ZNF439: variants seen among roughly 807,000 people sequenced by gnomAD.
ZNF439 encodes zinc finger protein 439.
In ZNF439, 40 loss-of-function variants were observed where a neutral mutation model predicts 47.3. That is an observed-to-expected ratio of 0.85 (90% confidence interval 0.66 to 1.10). The LOEUF is 1.10. Among genes scored for constraint, ZNF439 ranks in the 50% least tolerant of loss-of-function variants. The pLI is 0.00. For synonymous variants in ZNF439, 171 were observed against 198.8 expected (o/e 0.86, Z 1.18); for missense variants, 556 against 601.1 (o/e 0.93, Z 0.78).
Position 11,866,537 on chromosome 19 carries a change from GAA to G in ZNF439, c.196_197del (p.Lys66ValfsTer7), listed in dbSNP as rs1372938049. On this transcript the variant is annotated frameshift_variant and splice_region_variant, in exon 3 of 4. Coordinates refer to ENST00000682736, the MANE Select transcript of ZNF439 (RefSeq NM_001348719.2). LOFTEE classifies it high-confidence loss of function. ...TTATTTTTCTGTGTTTGTATTTTAGGAAAAAAGTGGAAAGACCAGAACATTGA... is the reference window on the plus strand; with the variant it reads ...TTATTTTTCTGTGTTTGTATTTTAGGAAAAGTGGAAAGACCAGAACATTGA... The G allele has an allele frequency of 1.9e-6, 3 of 1,612,168 alleles. No individual in the cohort carries two copies. The African/African-American group carries it at 4.0e-5, about 22-fold the overall frequency.
intron 1 of ZNF439, among the ~76,000 whole-genome samples, chr19:11,863,152 CTTTTTTT>C (rs34655587): frequency 1.1e-5 from 1 of 90,056 alleles, no homozygotes; most frequent in South Asian, 3.5e-4. Context: ...AAAGATTTTG[CTTTTTTT>C]TTTTTTTTTT....
chr19:11,868,249 T>C lies in ZNF439; in HGVS notation c.1195T>C (p.Ser399Pro), dbSNP rs1373685531. The C allele has an allele frequency of 1.2e-6, 2 of 1,613,606 alleles. No individual in the cohort carries two copies. Among genetic ancestry groups the C allele is most frequent in the Non-Finnish European group, 1.7e-6 (2 of 1,179,892 alleles). ...GCAATGTGGTAAAGCCTTCACTCGT[T>C]CCGGTTCCTTTCGATATCATGAAAG... ...CKQCGKAFTR[S>P]GSFRYHERTH... The change falls in exon 4 of 4, where the codon TCC (serine) becomes CCC (proline). Residue 399 changes from serine to proline, a missense_variant. By Grantham distance (74) the Ser-to-Pro change is moderately conservative. Coordinates refer to ENST00000682736, the MANE Select transcript of ZNF439 (RefSeq NM_001348719.2).
chr19:11,865,009 A>G (rs1039560129), intron 1 of ZNF439, among the ~76,000 whole-genome samples: 1 of 152,002 alleles, frequency 6.6e-6, no homozygotes, highest in Admixed American at 6.6e-5. Flanking sequence ...TGAACTCCCA[A>G]CCTCAGGTGA....
Position 11,868,464 on chromosome 19 carries a change from C to A in ZNF439, c.1410C>A (p.Pro470=), listed in dbSNP as rs1976777937. ...GTAGGATTCACACTGGAGAGAAACCCTATGAATGTAAGAAATGTGGGAAAG... is the reference window on the plus strand; with the variant it reads ...GTAGGATTCACACTGGAGAGAAACCATATGAATGTAAGAAATGTGGGAAAG... ...IHRRIHTGEK[P]YECKKCGKAF... Residue 470 remains proline, a synonymous_variant, in exon 4 of 4, where the codon CCC becomes CCA. Transcript: ENST00000682736. 1 of 1,613,542 alleles carries A rather than the reference C, an allele frequency of 6.2e-7. No individual in the cohort carries two copies. The highest frequency in any genetic ancestry group is 8.5e-7 in the Non-Finnish European group (1 of 1,179,876).
At position 11,867,511 on chromosome 19, in the gene ZNF439, T is replaced by C; in HGVS notation, c.457T>C (p.Cys153Arg). Residue 153 changes from cysteine (C) to arginine (R), a missense_variant, in exon 4 of 4, where the codon TGT becomes CGT. Cys to Arg is a radical substitution (Grantham distance 180). Transcript: ENST00000682736. ...CAGAGGTGACACTGGACACAAGGCATGTGAATGTCAGGAATATGGACCAAA... is the reference window on the plus strand; with the variant it reads ...CAGAGGTGACACTGGACACAAGGCACGTGAATGTCAGGAATATGGACCAAA... ...NIRGDTGHKACECQEYGPKPW... is the reference protein window; with the variant it reads ...NIRGDTGHKARECQEYGPKPW... 6.2e-7 allele frequency: 1 copy of C among 1,614,114 alleles called. No individual in the cohort carries two copies. The highest frequency in any genetic ancestry group is 8.5e-7 in the Non-Finnish European group (1 of 1,180,018).
intron 1 of ZNF439, among the ~76,000 whole-genome samples, chr19:11,860,240 G>A (rs886485488): frequency 5.3e-5 from 8 of 152,068 alleles, no homozygotes; most frequent in African/African-American, 1.9e-4. Flanking sequence ...AGGAGATCAA[G>A]ACCATCCTGC....
chr19:11,867,676 A>G lies in ZNF439; in HGVS notation c.622A>G (p.Arg208Gly). Residue 208 changes from arginine to glycine, a missense_variant, in exon 4 of 4, where the codon AGA becomes GGA. Coordinates refer to ENST00000682736, the MANE Select transcript of ZNF439 (RefSeq NM_001348719.2). The stretch of plus-strand genomic sequence containing the variant: ...CATTATTTACCATTCAAGCATTCAA[A>G]GACACATGGTAGTGCACAGTGGGGA... The part of the protein sequence containing the change: ...KNIIYHSSIQ[R>G]HMVVHSGDGP... 1 of 1,614,190 alleles carries G rather than the reference A, an allele frequency of 6.2e-7. No individual in the cohort carries two copies. Among genetic ancestry groups the G allele is most frequent in the Non-Finnish European group, 8.5e-7 (1 of 1,180,020 alleles).
chr19:11,867,860 A>C lies in ZNF439; in HGVS notation c.806A>C (p.His269Pro), dbSNP rs1456606301. 1 of 1,613,998 alleles carries C rather than the reference A, an allele frequency of 6.2e-7. No homozygotes were observed. Among genetic ancestry groups the C allele is most frequent in the East Asian group, 2.2e-5 (1 of 44,868 alleles). ...ACCCATCGAATACATGAAAGAACTC[A>C]CATTGGAGAAAAGCCTTATGAATGT... The part of the protein sequence containing the change: ...SATHRIHERT[H>P]IGEKPYECQE... The change falls in exon 4 of 4, where the codon CAC becomes CCC. Residue 269 changes from histidine (H) to proline (P), a missense_variant. Physicochemically the swap from His to Pro is moderately conservative, Grantham distance 77. Transcript: ENST00000682736.
rs149079423 is a variant in ZNF439 at position 11,864,318 on chromosome 19, G to A, written c.64-1887G>A. On this transcript the variant is annotated intron_variant, in intron 1 of 3. Transcript: ENST00000682736. ...TCTTCTCATTTTTTGTTTGATTTGA[G>A]ATGGAGTCTCACTCTGTCGCCCAGG... Among the ~76,000 whole-genome samples, 206 of 152,196 alleles carry A rather than the reference G, an allele frequency of 1.4e-3. 1 individual carries two copies. The highest frequency in any genetic ancestry group is 3.0e-3 in the Admixed American group (46 of 15,284).
rs1976775644 is a variant in ZNF439, at chr19:11,868,424, A to G, written c.1370A>G (p.Gln457Arg). ...ECGKAFRSASQLRIHRRIHTG... is the reference protein window; with the variant it reads ...ECGKAFRSASRLRIHRRIHTG... The stretch of plus-strand genomic sequence containing the variant: ...GGGAAAGCTTTCAGATCTGCCTCAC[A>G]ACTTCGAATCCATCGTAGGATTCAC... Residue 457 changes from glutamine (Q) to arginine (R), a missense_variant, in exon 4 of 4, where the codon CAA (glutamine) becomes CGA (arginine). Physicochemically the swap from Gln to Arg is conservative, Grantham distance 43. Transcript: ENST00000682736. 1.9e-6 allele frequency: 3 copies of G among 1,613,500 alleles called. No individual in the cohort carries two copies. The highest frequency in any genetic ancestry group is 4.5e-5 in the East Asian group (2 of 44,756).
intron 1 of ZNF439, among the ~76,000 whole-genome samples, chr19:11,861,206 C>A (rs1216432782): frequency 6.6e-6 from 1 of 152,192 alleles, no homozygotes; most frequent in Non-Finnish European, 1.5e-5. Context: ...AGAGAATAAC[C>A]ACTAGACATT....
Position 11,868,947 on chromosome 19 carries a change from G to T in ZNF439, c.*378G>T. On this transcript the variant is annotated 3_prime_UTR_variant, in exon 4 of 4. Coordinates refer to ENST00000682736, the MANE Select transcript of ZNF439 (RefSeq NM_001348719.2). ...GCATTCATATCTGCCAAGATCGTTT[G>T]AATACATGCAAAACACACACTGGAG... 2 of 288,614 alleles carry T rather than the reference G, an allele frequency of 6.9e-6. No homozygotes were observed. The highest frequency in any genetic ancestry group is 8.4e-5 in the South Asian group (2 of 23,804). The allele number at this position is 288,614 out of a possible 1,614,324, so 17.9% of individuals were successfully genotyped here.
intron 1 of ZNF439, among the ~76,000 whole-genome samples, chr19:11,859,722 A>G (rs902299572): frequency 3.3e-5 from 5 of 152,198 alleles, no homozygotes; most frequent in Non-Finnish European, 7.3e-5. Context: ...CTATGGCAGC[A>G]GAGCATAAAG....
chr19:11,848,866 C>G lies in ZNF439; in HGVS notation c.-2C>G, dbSNP rs2085894887. ...GATTTCTGTCGCTCTGTCACCTGCGCTATGCCCTGCTTTACTCACAGGAGC... is the reference window on the plus strand; with the variant it reads ...GATTTCTGTCGCTCTGTCACCTGCGGTATGCCCTGCTTTACTCACAGGAGC... On this transcript the variant is annotated 5_prime_UTR_variant, in exon 1 of 4. Coordinates refer to ENST00000682736, the MANE Select transcript of ZNF439 (RefSeq NM_001348719.2). 1 of 1,564,794 alleles carries G rather than the reference C, an allele frequency of 6.4e-7. No homozygotes were observed. The highest frequency in any genetic ancestry group is 8.7e-7 in the Non-Finnish European group (1 of 1,149,336).
chr19:11,860,133 G>GC (rs1251188465), intron 1 of ZNF439, among the ~76,000 whole-genome samples: 8 of 152,052 alleles, frequency 5.3e-5, no homozygotes, highest in Non-Finnish European at 1.2e-4. Flanking sequence ...ACTAACCTGA[G>GC]CACCAGACTG....
At position 11,869,037 on chromosome 19, in the gene ZNF439, G is replaced by A; in HGVS notation, c.*468G>A. ...TTATTTTTCTTCCTTGCATATACAT[G>A]AAAGGACTCATACGAGAGAGAATCC... On this transcript the variant is annotated 3_prime_UTR_variant, in exon 4 of 4. Coordinates refer to ENST00000682736, the MANE Select transcript of ZNF439 (RefSeq NM_001348719.2). The A allele has an allele frequency of 3.7e-6, 1 of 268,998 alleles. No homozygotes were observed. The allele number at this position is 268,998 out of a possible 1,614,324, so 16.7% of individuals were successfully genotyped here. A position where few individuals can be genotyped will look rare whatever the true frequency, so the allele number is the denominator to read the frequency against.
intron 1 of ZNF439, among the ~76,000 whole-genome samples, chr19:11,861,115 C>T (rs763204766): frequency 6.6e-6 from 1 of 152,266 alleles, no homozygotes; most frequent in South Asian, 2.1e-4. Context: ...GGCCTCAAAT[C>T]CTCCACCCTC....
chr19:11,855,468 A>G (rs948382676), intron 1 of ZNF439, among the ~76,000 whole-genome samples: 18 of 152,172 alleles, frequency 1.2e-4, no homozygotes, highest in Admixed American at 9.8e-4. Flanking sequence ...CTTGAGCTTG[A>G]ATTATAAGAC....
chr19:11,862,683 A>G (rs1383047444), intron 1 of ZNF439, among the ~76,000 whole-genome samples: 1 of 152,164 alleles, frequency 6.6e-6, no homozygotes, highest in South Asian at 2.1e-4. Context: ...TGGAAGTATC[A>G]GTGTTTTGGA....
Sources: allele counts gnomAD v4.1 joint callset (sites outside exome capture counted in the v4.1 genomes callset), GRCh38; gene constraint gnomAD v4.1.1; transcripts MANE v1.5; gene names NCBI Gene and HGNC (gene_info 2026-07-23, HGNC 2026-07-21).